DSCAM: variants seen among roughly 807,000 people sequenced by gnomAD.
DSCAM encodes the protein cell adhesion molecule DSCAM.
In DSCAM, 47 loss-of-function variants were observed where a neutral mutation model predicts 217.7. The observed-to-expected ratio is 0.22, with a 90% CI of 0.17 to 0.28. The LOEUF (loss-of-function observed/expected upper bound fraction) is 0.28. Among genes scored for constraint, DSCAM ranks in the 10% least tolerant of loss-of-function variants. The probability of loss-of-function intolerance (pLI) is 1.00; values close to 1 mark genes in which losing one functional copy is unlikely to be tolerated. For missense variants in DSCAM, 2,080 were observed against 2,618.3 expected, an observed-to-expected ratio of 0.79 and a Z score of 4.49; for synonymous variants, 1,056 against 1,015.3, an observed-to-expected ratio of 1.04 and a Z score of -0.76.
intron 15 of DSCAM, among the ~76,000 whole-genome samples, chr21:40,167,696 G>A (rs778647594): frequency 4.5e-4 from 68 of 152,332 alleles, no homozygotes; most frequent in Admixed American, 6.5e-4. Context: ...TTTCTCAATT[G>A]ATTAGAATGA....
Position 40,083,982 on chromosome 21 carries a change from G to A in DSCAM, c.4157C>T (p.Thr1386Ile), listed in dbSNP as rs370448714. ...GGAGGAAGACGTGGTCTTGGAGACTGTAAGCCGAGGCTGATCTGGTGGAAC... is the reference window on the plus strand; with the variant it reads ...GGAGGAAGACGTGGTCTTGGAGACTATAAGCCGAGGCTGATCTGGTGGAAC... ...VQVPPDQPRL[T>I]VSKTTSSSIT... Residue 1386 changes from threonine (T) to isoleucine (I), a missense_variant, in exon 24 of 33, where the codon ACA (threonine) becomes ATA (isoleucine). Physicochemically the swap from Thr to Ile is moderately conservative, Grantham distance 89. Coordinates refer to ENST00000400454, the MANE Select transcript of DSCAM (RefSeq NM_001389.5). The A allele has an allele frequency of 2.5e-6, 4 of 1,613,322 alleles. No homozygotes were observed. Among genetic ancestry groups the A allele is most frequent in the African/African-American group, 2.7e-5 (2 of 74,880 alleles).
At chr21:40,499,168 T>C (rs2076152639) in intron 3 of DSCAM, among the ~76,000 whole-genome samples, 2 of 152,144 alleles carry the variant, frequency 1.3e-5, no homozygotes, top group Admixed American at 6.6e-5. Flanking sequence ...TATGAATACT[T>C]GCAGACTATA....
intron 3 of DSCAM, among the ~76,000 whole-genome samples, chr21:40,656,185 G>A (rs1051844976): frequency 6.6e-6 from 1 of 152,120 alleles, no homozygotes; most frequent in Non-Finnish European, 1.5e-5. Flanking sequence ...ATTTTGGGGG[G>A]ACACATACAT....
intron 1 of DSCAM, among the ~76,000 whole-genome samples, chr21:40,743,121 T>C (rs994958706): frequency 3.9e-5 from 6 of 152,188 alleles, no homozygotes; most frequent in African/African-American, 1.4e-4. Flanking sequence ...CATTTCATGA[T>C]CTTTATGGCC....
intron 1 of DSCAM, among the ~76,000 whole-genome samples, chr21:40,739,010 T>C (rs560219603): frequency 1.3e-5 from 2 of 152,308 alleles, no homozygotes; most frequent in African/African-American, 4.8e-5. Context: ...AGTGCACCAT[T>C]TCTGCTAGCG....
At chr21:40,073,236 G>A (rs935536767) in intron 27 of DSCAM, among the ~76,000 whole-genome samples, 6 of 152,184 alleles carry the variant, frequency 3.9e-5, no homozygotes, top group Admixed American at 6.5e-5. Context: ...GGGAAAAGAA[G>A]AAAAAGTGAA....
chr21:40,248,624 C>A (rs534705978), intron 11 of DSCAM, among the ~76,000 whole-genome samples: 1 of 152,334 alleles, frequency 6.6e-6, no homozygotes, highest in South Asian at 2.1e-4. Flanking sequence ...CCATTCAAGT[C>A]TCTAGGAAGT....
chr21:40,735,822 C>T (rs1015851), intron 1 of DSCAM, among the ~76,000 whole-genome samples: 51,090 of 152,018 alleles, frequency 0.34, 8,908 homozygotes, highest in African/African-American at 0.42. Flanking sequence ...CTCACACCAA[C>T]CAATTCTCTC....
chr21:40,527,991 T>C (rs1568879933), intron 3 of DSCAM, among the ~76,000 whole-genome samples: 2 of 152,208 alleles, frequency 1.3e-5, no homozygotes, highest in African/African-American at 4.8e-5. Flanking sequence ...CTGCCATCCA[T>C]CATCTCTGTG....
At chr21:40,173,550 C>A (rs941931815) in intron 15 of DSCAM, among the ~76,000 whole-genome samples, 1 of 152,186 alleles carries the variant, frequency 6.6e-6, no homozygotes, top group African/African-American at 2.4e-5. Context: ...GTGCTCGGCT[C>A]TTCTCGCTGA....
At chr21:40,265,810 A>G (rs2073518393) in intron 11 of DSCAM, among the ~76,000 whole-genome samples, 1 of 152,222 alleles carries the variant, frequency 6.6e-6, no homozygotes. Context: ...AGCCACATAT[A>G]TAAGAGCGAA....
chr21:40,223,481 G>C (rs948193696), intron 11 of DSCAM, among the ~76,000 whole-genome samples: 4 of 152,152 alleles, frequency 2.6e-5, no homozygotes, highest in African/African-American at 9.7e-5. Flanking sequence ...AGCTCCAATA[G>C]GAAGACAGCT....
intron 4 of DSCAM, among the ~76,000 whole-genome samples, chr21:40,358,076 C>CA (rs2074715584): frequency 6.6e-6 from 1 of 152,104 alleles, no homozygotes; most frequent in Non-Finnish European, 1.5e-5. Flanking sequence ...GGGTGGCTGA[C>CA]AATAAACACC....
intron 11 of DSCAM, among the ~76,000 whole-genome samples, chr21:40,248,359 T>G (rs568479567): frequency 6.6e-6 from 1 of 152,210 alleles, no homozygotes; most frequent in Non-Finnish European, 1.5e-5. Context: ...TAAAATGAAA[T>G]GCCTTTAACA....
intron 27 of DSCAM, among the ~76,000 whole-genome samples, chr21:40,063,500 C>A (rs998309461): frequency 6.6e-6 from 1 of 151,848 alleles, no homozygotes; most frequent in East Asian, 1.9e-4. Flanking sequence ...AAAAAAATCC[C>A]TTTTTTTGGT....
At chr21:40,091,065 C>A (rs568090048) in intron 21 of DSCAM, among the ~76,000 whole-genome samples, 1 of 152,126 alleles carries the variant, frequency 6.6e-6, no homozygotes, top group Admixed American at 6.5e-5. Flanking sequence ...AAAGCACACC[C>A]GCCATTAGTT....
intron 11 of DSCAM, among the ~76,000 whole-genome samples, chr21:40,262,863 A>G (rs1197578146): frequency 6.6e-6 from 1 of 152,230 alleles, no homozygotes; most frequent in East Asian, 1.9e-4. Context: ...TGTTTCTTGA[A>G]TCAATGAAAA....
At chr21:40,217,644 C>A (rs550878438) in intron 11 of DSCAM, among the ~76,000 whole-genome samples, 6 of 152,184 alleles carry the variant, frequency 3.9e-5, no homozygotes, top group African/African-American at 7.2e-5. Context: ...TCCTTTTTCT[C>A]CACAACCTCT....
intron 3 of DSCAM, among the ~76,000 whole-genome samples, chr21:40,687,505 GCC>G (rs974382408): frequency 6.6e-6 from 1 of 152,030 alleles, no homozygotes; most frequent in Admixed American, 6.6e-5. Flanking sequence ...CAAAGCAGAG[GCC>G]CCCCACAGCA....
Sources: gnomAD v4.1 joint callset for allele counts (sites outside exome capture counted in the v4.1 genomes callset) on GRCh38, gnomAD v4.1.1 for gene constraint, MANE v1.5 for transcripts, NCBI Gene and HGNC (gene_info 2026-07-23, HGNC 2026-07-21) for gene names.